RGS6: variants seen among roughly 807,000 people sequenced by gnomAD.
RGS6 encodes regulator of G protein signaling 6.
A neutral mutation model predicts 78.5 loss-of-function variants in RGS6; 30 were observed. The ratio of observed to expected loss-of-function variants is 0.38; its 90% CI spans 0.29 to 0.52. The LOEUF (loss-of-function observed/expected upper bound fraction) is 0.52, where lower values mean the gene tolerates loss of function less well. Ranked by LOEUF, RGS6 falls within the 20% of genes least tolerant of loss-of-function variation. The pLI is 0.85. For missense variants in RGS6, 495 were observed against 609.7 expected, an observed-to-expected ratio of 0.81 and a Z score of 1.98; for synonymous variants, 206 against 206.0, an observed-to-expected ratio of 1.00 and a Z score of 0.00.
chr14:72,307,392 CT>C (rs2067508332), intron 2 of RGS6, among the ~76,000 whole-genome samples: 1 of 152,030 alleles, frequency 6.6e-6, no homozygotes, highest in African/African-American at 2.4e-5. Flanking sequence ...AAAAATTCTC[CT>C]GATGTTATTG....
At chr14:71,898,173 ATATAT>A in the RGS6 span, among the ~76,000 whole-genome samples, 6 of 152,120 alleles carry the variant, frequency 3.9e-5, no homozygotes, top group Non-Finnish European at 7.3e-5. Context: ...CAAGCATACA[ATATAT>A]TGTTATTAAC....
At chr14:72,012,921 T>G (rs758407038) in intron 2 of RGS6, among the ~76,000 whole-genome samples, 3 of 152,174 alleles carry the variant, frequency 2.0e-5, no homozygotes, top group African/African-American at 4.8e-5. Flanking sequence ...AGCAATTGTT[T>G]ATAAGGTATT....
At chr14:72,081,223 C>CACTGA (rs2094809810) in intron 2 of RGS6, among the ~76,000 whole-genome samples, 1 of 151,964 alleles carries the variant, frequency 6.6e-6, no homozygotes, top group African/African-American at 2.4e-5. Context: ...ACAGATTTTT[C>CACTGA]AATTCCTGGT....
intron 2 of RGS6, among the ~76,000 whole-genome samples, chr14:72,012,940 CAAGT>C (rs1184954040): frequency 2.6e-5 from 4 of 152,078 alleles, no homozygotes; most frequent in African/African-American, 7.2e-5. Context: ...TTTCTCTTGT[CAAGT>C]AAGCCAAGTT....
At chr14:71,974,223 C>T (rs1292082944) in intron 2 of RGS6, among the ~76,000 whole-genome samples, 1 of 151,938 alleles carries the variant, frequency 6.6e-6, no homozygotes, top group African/African-American at 2.4e-5. Flanking sequence ...GAATAGATAC[C>T]TGTGAAAGAA....
chr14:71,910,736 T>C, the RGS6 span, among the ~76,000 whole-genome samples: 1 of 152,044 alleles, frequency 6.6e-6, no homozygotes, highest in East Asian at 1.9e-4. Context: ...TGGTGAGGAA[T>C]GAGAGAGTGT....
At chr14:72,265,843 C>A (rs988347033) in intron 2 of RGS6, among the ~76,000 whole-genome samples, 17 of 151,906 alleles carry the variant, frequency 1.1e-4, no homozygotes, top group African/African-American at 4.1e-4. Flanking sequence ...TCTGCTCCCT[C>A]AGCCTCCGGT....
At chr14:72,425,402 G>A (rs936634794) in intron 3 of RGS6, among the ~76,000 whole-genome samples, 1 of 152,166 alleles carries the variant, frequency 6.6e-6, no homozygotes, top group Non-Finnish European at 1.5e-5. Context: ...GCCTCCCAAA[G>A]TGCTGGGATT....
At chr14:72,547,470 TTTGAG>T in intron 17 of RGS6, 3 of 716,804 alleles carry the variant, frequency 4.2e-6, no homozygotes, top group African/African-American at 1.8e-5. Context: ...GTGTCCCTGG[TTTGAG>T]TTGAGTTAGG....
chr14:71,954,847 T>C (rs1357771999), intron 1 of RGS6, among the ~76,000 whole-genome samples: 1 of 152,246 alleles, frequency 6.6e-6, no homozygotes, highest in Non-Finnish European at 1.5e-5. Context: ...TTTTTCATCA[T>C]AGTTATTTTA....
chr14:72,103,715 G>A (rs960652240), intron 2 of RGS6, among the ~76,000 whole-genome samples: 1 of 152,196 alleles, frequency 6.6e-6, no homozygotes, highest in African/African-American at 2.4e-5. Flanking sequence ...TCCCACAGTG[G>A]AGACAGGGCT....
intron 2 of RGS6, among the ~76,000 whole-genome samples, chr14:72,136,648 C>T (rs2096447766): frequency 6.6e-6 from 1 of 152,154 alleles, no homozygotes; most frequent in Non-Finnish European, 1.5e-5. Flanking sequence ...GGGTCCCTCC[C>T]ACAAGACGTG....
chr14:72,222,986 G>C (rs2047229694), intron 2 of RGS6, among the ~76,000 whole-genome samples: 1 of 152,176 alleles, frequency 6.6e-6, no homozygotes, highest in Admixed American at 6.5e-5. Context: ...ACTCCAACTG[G>C]ATTGTGGTTT....
At chr14:72,065,450 G>A (rs1260911783) in intron 2 of RGS6, among the ~76,000 whole-genome samples, 1 of 152,140 alleles carries the variant, frequency 6.6e-6, no homozygotes, top group Non-Finnish European at 1.5e-5. Context: ...AATCCCTTAA[G>A]TCTTAATATG....
the RGS6 span, among the ~76,000 whole-genome samples, chr14:71,899,780 C>A: frequency 6.6e-6 from 1 of 152,202 alleles, no homozygotes; most frequent in Non-Finnish European, 1.5e-5. Context: ...AAACTCCAGT[C>A]TTTAACTCTC....
At chr14:72,076,540 T>C (rs1437677061) in intron 2 of RGS6, among the ~76,000 whole-genome samples, 1 of 152,132 alleles carries the variant, frequency 6.6e-6, no homozygotes. Flanking sequence ...TATACACACT[T>C]TTTTTTGAGA....
chr14:72,457,841 G>A (rs1013150707), intron 4 of RGS6, among the ~76,000 whole-genome samples: 1 of 152,172 alleles, frequency 6.6e-6, no homozygotes, highest in African/African-American at 2.4e-5. Context: ...TCTATGGGCA[G>A]CGAGGCTGCA....
At chr14:72,231,111 T>C (rs1490389102) in intron 2 of RGS6, among the ~76,000 whole-genome samples, 1 of 152,188 alleles carries the variant, frequency 6.6e-6, no homozygotes, top group Non-Finnish European at 1.5e-5. Flanking sequence ...GGGGAGATCT[T>C]GACGTTGCTG....
intron 3 of RGS6, 105 bp from the exon 4 acceptor site, chr14:72,454,423 A>G: frequency 2.6e-6 from 3 of 1,163,132 alleles, no homozygotes; most frequent in Non-Finnish European, 3.9e-6. Flanking sequence ...CCTGCTCTAC[A>G]GTGTGGACTG....
Sources: gnomAD v4.1 joint callset for allele counts (sites outside exome capture counted in the v4.1 genomes callset) on GRCh38, gnomAD v4.1.1 for gene constraint, MANE v1.5 for transcripts, NCBI Gene and HGNC (gene_info 2026-07-23, HGNC 2026-07-21) for gene names.